Variants in FLT3 observed in about 807,000 individuals in gnomAD.
FLT3 encodes the protein receptor-type tyrosine-protein kinase FLT3.
In FLT3, 46 loss-of-function variants were observed where a neutral mutation model predicts 126.6. The observed-to-expected ratio is 0.36, with a 90% confidence interval of 0.29 to 0.46. The LOEUF is 0.46. FLT3 is among the 20% of genes least tolerant of loss of function. FLT3 has a pLI of 1.00. For missense variants in FLT3, 1,069 were observed against 1,190.3 expected, an observed-to-expected ratio of 0.90 and a Z score of 1.50; for synonymous variants, 404 against 434.4, an observed-to-expected ratio of 0.93 and a Z score of 0.87.
intron 9 of FLT3, among the ~76,000 whole-genome samples, chr13:28,045,372 A>T (rs1212417050): frequency 6.6e-6 from 1 of 152,184 alleles, no homozygotes; most frequent in Non-Finnish European, 1.5e-5. Flanking sequence ...TGTTGAACTA[A>T]ATTGAATCGA....
chr13:28,018,998 A>C (rs1593220934), intron 19 of FLT3, among the ~76,000 whole-genome samples: 1 of 132,726 alleles, frequency 7.5e-6, no homozygotes. Flanking sequence ...ACGGAGTTTC[A>C]CTCTTGTTCC....
chr13:28,099,285 G>A (rs1359086073), intron 1 of FLT3, among the ~76,000 whole-genome samples: 2 of 151,972 alleles, frequency 1.3e-5, no homozygotes, highest in East Asian at 1.9e-4. Context: ...TTGTATTAAC[G>A]GAATCTGGAA....
At chr13:28,034,255 T>C in intron 13 of FLT3, 41 bp from the exon 14 acceptor site, 5 of 1,613,796 alleles carry the variant, frequency 3.1e-6, no homozygotes, top group Non-Finnish European at 4.2e-6. Flanking sequence ...AATAGGCAGT[T>C]CTGCAGATAG....
intron 9 of FLT3, among the ~76,000 whole-genome samples, chr13:28,045,724 G>C (rs1475582209): frequency 6.6e-6 from 1 of 152,082 alleles, no homozygotes; most frequent in African/African-American, 2.4e-5. Context: ...AGCTGGGCAT[G>C]GTGGCATGCA....
At chr13:28,090,839 C>A (rs545072069) in intron 1 of FLT3, among the ~76,000 whole-genome samples, 1 of 152,120 alleles carries the variant, frequency 6.6e-6, no homozygotes, top group African/African-American at 2.4e-5. Flanking sequence ...TATTAAGGTT[C>A]TTTCCAAAAA....
intron 3 of FLT3, among the ~76,000 whole-genome samples, chr13:28,059,067 G>A (rs73154838): frequency 0.014 from 2,120 of 152,280 alleles, 59 homozygotes; most frequent in African/African-American, 0.046. Flanking sequence ...TAATACAATC[G>A]CAAAAGAGGA....
chr13:28,070,628 A>G lies in FLT3; in HGVS notation c.44-16T>C. 6.3e-7 allele frequency: 1 copy of G among 1,580,634 alleles called. No homozygotes were observed. On this transcript the variant is annotated splice_polypyrimidine_tract_variant and intron_variant, in intron 1 of 23. Coordinates refer to ENST00000241453, the MANE Select transcript of FLT3 (RefSeq NM_004119.3). ...GAAAAAACAACTGTAAAACAAAATA[A>G]AAATGATAATGTTGATACATGCACA...
At chr13:28,073,072 G>C (rs1458833517) in intron 1 of FLT3, among the ~76,000 whole-genome samples, 1 of 152,098 alleles carries the variant, frequency 6.6e-6, no homozygotes, top group Non-Finnish European at 1.5e-5. Flanking sequence ...CGAGCCTGGT[G>C]GCTCATGTCT....
intron 11 of FLT3, 49 bp from the exon 12 acceptor site, chr13:28,035,722 T>C (rs771655661): frequency 3.8e-6 from 6 of 1,558,472 alleles, no homozygotes; most frequent in Middle Eastern, 1.7e-4. Context: ...TGTCATCAGA[T>C]TGGAAGTTAG....
At chr13:28,045,448 G>A (rs994400116) in intron 9 of FLT3, among the ~76,000 whole-genome samples, 1 of 152,136 alleles carries the variant, frequency 6.6e-6, no homozygotes, top group Admixed American at 6.6e-5. Context: ...TCTAACATGG[G>A]GATAGGATAC....
At chr13:28,085,477 CCTA>C (rs1349645749) in intron 1 of FLT3, among the ~76,000 whole-genome samples, 2 of 151,762 alleles carry the variant, frequency 1.3e-5, no homozygotes, top group African/African-American at 4.8e-5. Context: ...TCTTCTATAT[CCTA>C]CTTATTTATT....
At chr13:28,012,154 A>C (rs1156591813) in intron 23 of FLT3, among the ~76,000 whole-genome samples, 1 of 152,142 alleles carries the variant, frequency 6.6e-6, no homozygotes, top group African/African-American at 2.4e-5. Context: ...TGCTTCTGAC[A>C]CTGGTCACAG....
chr13:28,027,336 G>T, intron 16 of FLT3, 95 bp from the exon 17 acceptor site: 1 of 946,608 alleles, frequency 1.1e-6, no homozygotes, highest in Non-Finnish European at 1.6e-6. Context: ...GGAGGGCTTG[G>T]TTCTCTGCTG....
At chr13:28,028,850 C>G (rs1468071900) in intron 15 of FLT3, among the ~76,000 whole-genome samples, 1 of 144,848 alleles carries the variant, frequency 6.9e-6, no homozygotes, top group Non-Finnish European at 1.5e-5. Flanking sequence ...GACATGATCT[C>G]AGCTTACTGT....
At chr13:28,051,773 C>T (rs1039492223) in intron 5 of FLT3, among the ~76,000 whole-genome samples, 1 of 151,634 alleles carries the variant, frequency 6.6e-6, no homozygotes, top group Non-Finnish European at 1.5e-5. Flanking sequence ...ATCTCGATCT[C>T]CTGACCTCGT....
chr13:28,031,807 C>T (rs926178012), intron 15 of FLT3, among the ~76,000 whole-genome samples: 2 of 152,164 alleles, frequency 1.3e-5, no homozygotes, highest in East Asian at 3.9e-4. Context: ...GGGGAGGCAG[C>T]GGTGGCCCAG....
At chr13:28,042,647 T>G (rs1482723203) in intron 9 of FLT3, among the ~76,000 whole-genome samples, 1 of 152,138 alleles carries the variant, frequency 6.6e-6, no homozygotes, top group African/African-American at 2.4e-5. Context: ...TGGTAAGAGC[T>G]CAAAGAAGGA....
At chr13:28,071,754 T>C (rs1178624565) in intron 1 of FLT3, among the ~76,000 whole-genome samples, 2 of 152,180 alleles carry the variant, frequency 1.3e-5, no homozygotes, top group African/African-American at 2.4e-5. Context: ...CAAGTTATAC[T>C]ATTGTGGGGT....
intron 3 of FLT3, among the ~76,000 whole-genome samples, chr13:28,058,857 C>T (rs529172740): frequency 1.3e-3 from 194 of 152,188 alleles, no homozygotes; most frequent in Admixed American, 2.1e-3. Context: ...TTCTCTGAAC[C>T]ATTCGCCTGG....
Sources: gnomAD v4.1 joint callset for allele counts (sites outside exome capture counted in the v4.1 genomes callset) on GRCh38, gnomAD v4.1.1 for gene constraint, MANE v1.5 for transcripts, NCBI Gene and HGNC (gene_info 2026-07-23, HGNC 2026-07-21) for gene names.